NFIA: variants seen among roughly 807,000 people sequenced by gnomAD.
NFIA encodes the protein nuclear factor 1 A-type.
In NFIA, 8 loss-of-function variants were observed where a neutral mutation model predicts 62.8. The ratio of observed to expected loss-of-function variants is 0.13; its 90% CI spans 0.07 to 0.23. The LOEUF (loss-of-function observed/expected upper bound fraction) is 0.23. NFIA is among the 10% of genes least tolerant of loss of function. The probability of loss-of-function intolerance (pLI) is 1.00; values close to 1 mark genes in which losing one functional copy is unlikely to be tolerated. For missense variants in NFIA, 410 were observed against 642.1 expected (o/e 0.64, Z 3.91); for synonymous variants, 235 against 238.1 (o/e 0.99, Z 0.12).
At chr1:61,149,725 T>C (rs1464740939) in intron 2 of NFIA, among the ~76,000 whole-genome samples, 1 of 152,220 alleles carries the variant, frequency 6.6e-6, no homozygotes, top group Non-Finnish European at 1.5e-5. Context: ...TGAGTTCCCC[T>C]GTCTCTGTTT....
chr1:61,379,402 C>CTATTTTTTTTTT (rs1410203326), intron 6 of NFIA, among the ~76,000 whole-genome samples: 1 of 98,264 alleles, frequency 1.0e-5, no homozygotes, highest in Non-Finnish European at 2.0e-5. Context: ...TTTTCTTTTT[C>CTATTTTTTTTTT]TTTTTTTTTT....
chr1:61,354,137 C>CT (rs1260716121), intron 5 of NFIA, among the ~76,000 whole-genome samples: 2 of 152,124 alleles, frequency 1.3e-5, no homozygotes, highest in African/African-American at 4.8e-5. Flanking sequence ...TTGTGACTCT[C>CT]TGAGAGGAAA....
At position 61,106,932 on chromosome 1, in the gene NFIA, A is replaced by T. The variant is rs536475043; in HGVS notation, c.559+18252A>T. Among the ~76,000 whole-genome samples, 13 of 151,174 alleles carry T rather than the reference A, an allele frequency of 8.6e-5. No homozygotes were observed. In the East Asian group the frequency reaches 2.5e-3, roughly 29 times the overall value. On this transcript the variant is annotated intron_variant, in intron 2 of 10. Coordinates refer to ENST00000403491, the MANE Select transcript of NFIA (RefSeq NM_001134673.4). ...TTTTAAGTTTTATAAAAAATCATAT[A>T]TACACACATACATATACATACATAT...
At chr1:61,231,118 C>CT (rs1444447469) in intron 2 of NFIA, among the ~76,000 whole-genome samples, 1 of 152,084 alleles carries the variant, frequency 6.6e-6, no homozygotes, top group Non-Finnish European at 1.5e-5. Context: ...GTGGCTGGCT[C>CT]TTTGTTATTT....
At chr1:61,106,978 A>C (rs926063924) in intron 2 of NFIA, among the ~76,000 whole-genome samples, 1 of 151,478 alleles carries the variant, frequency 6.6e-6, no homozygotes, top group Non-Finnish European at 1.5e-5. Flanking sequence ...ATACATATAC[A>C]CACACACTTC....
intron 4 of NFIA, among the ~76,000 whole-genome samples, chr1:61,344,238 T>C (rs1662088004): frequency 6.6e-6 from 1 of 152,186 alleles, no homozygotes; most frequent in South Asian, 2.1e-4. Context: ...AACTGTGCCT[T>C]TGATAGAAAG....
intron 2 of NFIA, among the ~76,000 whole-genome samples, chr1:61,218,235 ATATGT>A (rs770679147): frequency 6.6e-6 from 1 of 152,216 alleles, no homozygotes; most frequent in Non-Finnish European, 1.5e-5. Context: ...GCATCTCTGA[ATATGT>A]TACAATTGTA....
At chr1:61,338,931 TAAGC>T (rs1263687883) in intron 4 of NFIA, among the ~76,000 whole-genome samples, 3 of 152,206 alleles carry the variant, frequency 2.0e-5, no homozygotes, top group Admixed American at 6.5e-5. Flanking sequence ...CTTATATTCT[TAAGC>T]AAGATCTTCT....
At chr1:61,318,698 G>A (rs1407413258) in intron 3 of NFIA, among the ~76,000 whole-genome samples, 2 of 152,144 alleles carry the variant, frequency 1.3e-5, no homozygotes, top group Non-Finnish European at 2.9e-5. Flanking sequence ...GGCTTGTTTG[G>A]AATAACATCT....
intron 7 of NFIA, among the ~76,000 whole-genome samples, chr1:61,402,995 A>C (rs1451830142): frequency 6.6e-6 from 1 of 152,206 alleles, no homozygotes; most frequent in East Asian, 1.9e-4. Flanking sequence ...TAGTGGTAGA[A>C]GTGATGGCCT....
intron 9 of NFIA, among the ~76,000 whole-genome samples, chr1:61,421,995 C>T (rs982472964): frequency 6.6e-6 from 1 of 152,124 alleles, no homozygotes; most frequent in Non-Finnish European, 1.5e-5. Flanking sequence ...AGTGTGGTGG[C>T]TCACGCCTGT....
At chr1:61,078,857 C>A (rs560530474), upstream of NFIA, among the ~76,000 whole-genome samples, 1 of 152,166 alleles carries the variant, frequency 6.6e-6, no homozygotes, top group Non-Finnish European at 1.5e-5. Context: ...GCCTCTTGGA[C>A]AAGTGCTTGA....
chr1:61,434,324 C>T (rs1006384737), intron 10 of NFIA, among the ~76,000 whole-genome samples: 4 of 152,154 alleles, frequency 2.6e-5, no homozygotes, highest in African/African-American at 9.7e-5. Flanking sequence ...AGATGAGTTA[C>T]TCATGCAATC....
chr1:61,202,979 T>C (rs943489481), intron 2 of NFIA, among the ~76,000 whole-genome samples: 1 of 152,234 alleles, frequency 6.6e-6, no homozygotes, highest in African/African-American at 2.4e-5. Flanking sequence ...CAAAAACTGG[T>C]CATCCGTCCA....
intron 2 of NFIA, among the ~76,000 whole-genome samples, chr1:61,235,888 T>C (rs1654984144): frequency 2.0e-5 from 3 of 151,868 alleles, no homozygotes; most frequent in East Asian, 1.9e-4. Context: ...AAAGACTGAG[T>C]TGGCTCCCCC....
chr1:61,357,684 T>G (rs1663036463), intron 5 of NFIA, among the ~76,000 whole-genome samples: 1 of 152,186 alleles, frequency 6.6e-6, no homozygotes, highest in African/African-American at 2.4e-5. Context: ...CAGTTTTGTT[T>G]GCCTCTCTGT....
At chr1:61,134,806 A>G (rs1156519661) in intron 2 of NFIA, among the ~76,000 whole-genome samples, 1 of 152,232 alleles carries the variant, frequency 6.6e-6, no homozygotes, top group African/African-American at 2.4e-5. Flanking sequence ...CCTGGGCAAC[A>G]TAGGGAGACC....
At chr1:61,319,058 T>C (rs1660525043) in intron 3 of NFIA, among the ~76,000 whole-genome samples, 1 of 152,146 alleles carries the variant, frequency 6.6e-6, no homozygotes, top group Admixed American at 6.6e-5. Flanking sequence ...TATGGAGTCC[T>C]GTGTAGGAAT....
rs749742322 is a variant in NFIA, at chr1:61,404,050, C to G, written c.1076-54C>G. The G allele has an allele frequency of 5.0e-6, 8 of 1,589,144 alleles. No homozygotes were observed. The African/African-American group carries it at 1.1e-4, about 21-fold the overall frequency. ...AAGGAGGAAGTTGAATCGGGTTCAG[C>G]TATGACAAAGCAGGTCTTTCTTTTC... On this transcript the variant is annotated intron_variant, in intron 7 of 10. Coordinates refer to ENST00000403491, the MANE Select transcript of NFIA (RefSeq NM_001134673.4).
Sources: gnomAD v4.1 joint callset for allele counts (sites outside exome capture counted in the v4.1 genomes callset) on GRCh38, gnomAD v4.1.1 for gene constraint, MANE v1.5 for transcripts, NCBI Gene and HGNC (gene_info 2026-07-23, HGNC 2026-07-21) for gene names.